SGCD: variants seen among roughly 807,000 people sequenced by gnomAD.
The protein encoded by SGCD is sarcoglycan delta, also known as delta-sarcoglycan.
SGCD carries 18 observed loss-of-function variants against 36.6 expected under a neutral mutation model. The observed-to-expected ratio is 0.49, with a 90% CI of 0.34 to 0.73. The LOEUF is 0.73. Ranked by LOEUF, SGCD falls within the 30% of genes least tolerant of loss-of-function variation. The pLI is 0.01. For synonymous variants in SGCD, 133 were observed against 130.6 expected, an observed-to-expected ratio of 1.02 and a Z score of -0.12; for missense variants, 387 against 346.7, an observed-to-expected ratio of 1.12 and a Z score of -0.92.
intron 1 of SGCD, among the ~76,000 whole-genome samples, chr5:156,020,567 A>G (rs937528868): frequency 6.6e-6 from 1 of 152,186 alleles, no homozygotes; most frequent in African/African-American, 2.4e-5. Context: ...ACACATTTAT[A>G]TTGGAGAACT....
the SGCD span, among the ~76,000 whole-genome samples, chr5:155,811,403 A>G: frequency 2.0e-3 from 301 of 152,268 alleles, no homozygotes; most frequent in African/African-American, 7.0e-3. Flanking sequence ...TTATGAAGAG[A>G]CATGTTTCTT....
chr5:155,751,035 C>CGTTTTT, the SGCD span, among the ~76,000 whole-genome samples: 1 of 152,050 alleles, frequency 6.6e-6, no homozygotes, highest in African/African-American at 2.4e-5. Flanking sequence ...TAGGATTGAC[C>CGTTTTT]GTTTTTGTTT....
At chr5:156,178,971 A>G (rs944656893) in intron 3 of SGCD, among the ~76,000 whole-genome samples, 2 of 152,206 alleles carry the variant, frequency 1.3e-5, no homozygotes, top group Admixed American at 1.3e-4. Flanking sequence ...CACTGTTTTC[A>G]CTAACAAATA....
At chr5:155,976,678 G>T (rs1287868242) in intron 1 of SGCD, among the ~76,000 whole-genome samples, 2 of 152,134 alleles carry the variant, frequency 1.3e-5, no homozygotes, top group Non-Finnish European at 2.9e-5. Flanking sequence ...AGTTCCGTTT[G>T]TTCCTCCTCC....
the SGCD span, among the ~76,000 whole-genome samples, chr5:155,827,999 T>C: frequency 6.6e-6 from 1 of 151,984 alleles, no homozygotes; most frequent in Admixed American, 6.6e-5. Context: ...CCTGAATAAT[T>C]CTTATTAAGA....
At chr5:156,568,033 A>C (rs1759567434) in intron 4 of SGCD, among the ~76,000 whole-genome samples, 1 of 152,156 alleles carries the variant, frequency 6.6e-6, no homozygotes, top group Non-Finnish European at 1.5e-5. Context: ...CAGAACCTGA[A>C]TGATAGAAGA....
At position 156,451,635 on chromosome 5, in the gene SGCD, A is replaced by T. The variant is rs865862809; in HGVS notation, c.193-56966A>T. ...TACCAAGCCTGGAGAAGTTTTGATA[A>T]CTAAAGGTTTTACCAAGAAGACAAA... On this transcript the variant is annotated intron_variant, in intron 3 of 8. Coordinates refer to ENST00000337851, the MANE Select transcript of SGCD (RefSeq NM_000337.6). Among the ~76,000 whole-genome samples the T allele has an allele frequency of 4.6e-5, 7 of 152,218 alleles. No homozygotes were observed. In the South Asian group the frequency reaches 1.2e-3, roughly 27 times the overall value.
intron 4 of SGCD, among the ~76,000 whole-genome samples, chr5:156,531,114 T>C (rs906326838): frequency 6.6e-6 from 1 of 152,304 alleles, no homozygotes; most frequent in African/African-American, 2.4e-5. Flanking sequence ...AATGCCCTTA[T>C]GACAGAGGTT....
intron 3 of SGCD, among the ~76,000 whole-genome samples, chr5:156,222,784 G>A (rs30276): frequency 0.59 from 89,839 of 151,920 alleles, 26,759 homozygotes; most frequent in East Asian, 0.69. Flanking sequence ...TTTAAAAGAT[G>A]CAATTAAAAG....
chr5:156,754,516 T>C (rs984401442), intron 7 of SGCD, among the ~76,000 whole-genome samples: 4 of 152,228 alleles, frequency 2.6e-5, no homozygotes, highest in African/African-American at 9.6e-5. Flanking sequence ...ATTTAAGCAT[T>C]AACTTCTTGA....
chr5:156,655,860 T>C (rs1763651846), intron 7 of SGCD, among the ~76,000 whole-genome samples: 1 of 152,114 alleles, frequency 6.6e-6, no homozygotes, highest in Non-Finnish European at 1.5e-5. Context: ...GAAAAATCAC[T>C]GATCTCAGGC....
rs1307472388 is a variant in SGCD at position 156,002,218 on chromosome 5, G to A, written c.-281-115660G>A. Among the ~76,000 whole-genome samples the A allele has an allele frequency of 2.0e-5, 3 of 152,222 alleles. No individual in the cohort carries two copies. In the East Asian group the frequency reaches 5.8e-4, roughly 30 times the overall value. On this transcript the variant is annotated intron_variant, in intron 1 of 9. Transcript: ENST00000517913. ...ATGACTGATATCTGTATAAGAAGAT[G>A]AGATTAGGACACAGACACACAAACA...
chr5:155,956,013 G>A (rs981303259), intron 1 of SGCD, among the ~76,000 whole-genome samples: 40 of 152,210 alleles, frequency 2.6e-4, no homozygotes, highest in South Asian at 6.2e-4. Flanking sequence ...CTTGTAATAG[G>A]TGGAGGAGGC....
chr5:155,810,131 A>G, the SGCD span, among the ~76,000 whole-genome samples: 1 of 152,254 alleles, frequency 6.6e-6, no homozygotes, highest in Non-Finnish European at 1.5e-5. Context: ...ATATTCACTA[A>G]AGGTAATGGG....
upstream of SGCD, among the ~76,000 whole-genome samples, chr5:155,868,360 CTTTTTTTTTTTT>C (rs10532701): frequency 2.7e-5 from 3 of 110,734 alleles, no homozygotes; most frequent in East Asian, 2.7e-4. Flanking sequence ...CCCTTTTTTT[CTTTTTTTTTTTT>C]TTTTTTTTTT....
intron 6 of SGCD, among the ~76,000 whole-genome samples, chr5:156,626,682 T>C (rs1762452844): frequency 6.6e-6 from 1 of 152,200 alleles, no homozygotes; most frequent in African/African-American, 2.4e-5. Context: ...GACTTCAAAA[T>C]GGATTTATGA....
chr5:156,174,299 G>A (rs1411883204), intron 3 of SGCD, among the ~76,000 whole-genome samples: 4 of 152,344 alleles, frequency 2.6e-5, no homozygotes, highest in Admixed American at 1.3e-4. Flanking sequence ...GCCTCCCTGA[G>A]AATGTGCCTG....
chr5:156,324,698 T>C (rs753819267), upstream of SGCD, among the ~76,000 whole-genome samples: 50 of 152,168 alleles, frequency 3.3e-4, no homozygotes, highest in Admixed American at 1.6e-3. Context: ...TTTTTTTAAA[T>C]TGATTACCAG....
At chr5:156,542,738 G>A (rs1758400541) in intron 4 of SGCD, among the ~76,000 whole-genome samples, 1 of 152,140 alleles carries the variant, frequency 6.6e-6, no homozygotes, top group African/African-American at 2.4e-5. Context: ...TTCAGAGAAA[G>A]CCTCAATCTC....
Sources: allele counts gnomAD v4.1 joint callset (sites outside exome capture counted in the v4.1 genomes callset), GRCh38; gene constraint gnomAD v4.1.1; transcripts MANE v1.5; gene names NCBI Gene and HGNC (gene_info 2026-07-23, HGNC 2026-07-21).